Variants in GPM6B observed in about 807,000 individuals in gnomAD.
GPM6B encodes glycoprotein M6B, also known as neuronal membrane glycoprotein M6-b.
A neutral mutation model predicts 27.2 loss-of-function variants in GPM6B; 4 were observed. That is an observed-to-expected ratio of 0.15 (90% CI 0.07 to 0.34). The LOEUF (loss-of-function observed/expected upper bound fraction) is 0.34. GPM6B is among the 10% of genes least tolerant of loss of function. GPM6B has a pLI of 1.00. For synonymous variants in GPM6B, 124 were observed against 103.1 expected, an observed-to-expected ratio of 1.20 and a Z score of -1.23; for missense variants, 183 against 261.9, an observed-to-expected ratio of 0.70 and a Z score of 2.08.
At chrX:13,888,611 G>A (rs1386126444) in intron 1 of GPM6B, among the ~76,000 whole-genome samples, 1 of 111,931 alleles carries the variant, frequency 8.9e-6, no homozygotes, top group Non-Finnish European at 1.9e-5. Flanking sequence ...TTCTGCATGA[G>A]ACAAGACTAT....
chrX:13,816,609 C>T (rs1379503897), intron 1 of GPM6B, among the ~76,000 whole-genome samples: 1 of 111,221 alleles, frequency 9.0e-6, no homozygotes, highest in Non-Finnish European at 1.9e-5. Context: ...AAACTATAGA[C>T]ATCCCTCTAT....
intron 1 of GPM6B, among the ~76,000 whole-genome samples, chrX:13,861,111 C>T (rs12833306): frequency 1.1e-4 from 11 of 103,366 alleles, no homozygotes; most frequent in African/African-American, 3.3e-4. Context: ...CATATACACA[C>T]ATATATATAC....
chrX:13,931,481 CCTT>C (rs1338631475), intron 1 of GPM6B, among the ~76,000 whole-genome samples: 1 of 107,553 alleles, frequency 9.3e-6, no homozygotes, highest in African/African-American at 3.4e-5. Flanking sequence ...GAGTGAGACT[CCTT>C]CTCAAAAAAA....
At chrX:13,807,847 T>C (rs2049051635) in intron 1 of GPM6B, 78 bp from the exon 2 acceptor site, 4 of 958,542 alleles carry the variant, frequency 4.2e-6, no homozygotes, top group Admixed American at 5.4e-5. Flanking sequence ...ATTTATTCTT[T>C]ACCATAGAAA....
At chrX:13,930,635 C>G (rs1921462248) in intron 1 of GPM6B, among the ~76,000 whole-genome samples, 1 of 109,183 alleles carries the variant, frequency 9.2e-6, no homozygotes, top group Non-Finnish European at 1.9e-5. Context: ...AAGAAACGAA[C>G]AAGGGAACAT....
At position 13,772,781 on chromosome X, in the gene GPM6B, T is replaced by C. The variant is rs1437389139; in HGVS notation, c.*100A>G. 1.3e-6 allele frequency: 1 copy of C among 787,330 alleles called. No individual in the cohort carries two copies. The highest frequency in any genetic ancestry group is 1.8e-6 in the Non-Finnish European group (1 of 540,707). 64.9% of individuals were successfully genotyped at this position (787,330 alleles called of 1,213,427 possible). A position where few individuals can be genotyped will look rare whatever the true frequency, so the allele number is the denominator to read the frequency against. On this transcript the variant is annotated 3_prime_UTR_variant, in exon 8 of 8. Coordinates refer to ENST00000316715, the MANE Select transcript of GPM6B (RefSeq NM_001001995.3). ...AGACAGACAGTGAAGTGTTTGTACA[T>C]CTACATTAGTTTGGTGGGATACACA...
intron 5 of GPM6B, among the ~76,000 whole-genome samples, chrX:13,778,613 T>C (rs757785687): frequency 6.7e-4 from 75 of 112,188 alleles, no homozygotes; most frequent in African/African-American, 2.3e-3. Context: ...TCTTTATACT[T>C]CAGAAGCATG....
intron 1 of GPM6B, among the ~76,000 whole-genome samples, chrX:13,823,645 A>G: frequency 9.1e-6 from 1 of 109,437 alleles, no homozygotes; most frequent in Non-Finnish European, 1.9e-5. Context: ...ACAGCCTCCC[A>G]AATAGCTGGG....
chrX:13,852,213 A>G (rs971710846), intron 1 of GPM6B, among the ~76,000 whole-genome samples: 3 of 111,670 alleles, frequency 2.7e-5, no homozygotes, highest in Non-Finnish European at 5.6e-5. Context: ...ATGTAAAACA[A>G]TGGACATGAC....
At chrX:13,937,630 G>A (rs184337878) in intron 1 of GPM6B, among the ~76,000 whole-genome samples, 1 of 111,721 alleles carries the variant, frequency 9.0e-6, no homozygotes, top group Non-Finnish European at 1.9e-5. Flanking sequence ...GAGTGCTGCG[G>A]AATGAGGCTG....
chrX:13,837,814 T>C (rs1029585898), intron 1 of GPM6B, among the ~76,000 whole-genome samples: 1 of 106,292 alleles, frequency 9.4e-6, no homozygotes, highest in East Asian at 3.0e-4. Flanking sequence ...TGCCTGATTG[T>C]CAATTTTGTT....
intron 1 of GPM6B, among the ~76,000 whole-genome samples, chrX:13,853,590 C>CAAAAA (rs66531403): frequency 0.31 from 12,004 of 38,481 alleles, 1,875 homozygotes; most frequent in Non-Finnish European, 0.37. Flanking sequence ...GACACCACCT[C>CAAAAA]AAAAAAAAAA....
chrX:13,840,771 C>T (rs1436747856), intron 1 of GPM6B, among the ~76,000 whole-genome samples: 1 of 111,874 alleles, frequency 8.9e-6, no homozygotes. Flanking sequence ...GCCATGATTT[C>T]TTTTCTAAGC....
At position 13,781,643 on chromosome X, in the gene GPM6B, G is replaced by A. The variant is rs1602979359; in HGVS notation, c.526-1654C>T. Among the ~76,000 whole-genome samples, 3 of 111,642 alleles carry A rather than the reference G, an allele frequency of 2.7e-5. No individual in the cohort carries two copies. The South Asian group carries it at 1.1e-3, about 43-fold the overall frequency. On this transcript the variant is annotated intron_variant, in intron 4 of 7. Coordinates refer to ENST00000316715, the MANE Select transcript of GPM6B (RefSeq NM_001001995.3). ...AGGCTAATCAGAGACCCAAAAGAATGCAACCAGTTGTCTCTCACCTACTTG... is the reference window on the plus strand; with the variant it reads ...AGGCTAATCAGAGACCCAAAAGAATACAACCAGTTGTCTCTCACCTACTTG...
intron 1 of GPM6B, among the ~76,000 whole-genome samples, chrX:13,847,160 A>G (rs141543776): frequency 1.4e-3 from 155 of 111,965 alleles, no homozygotes; most frequent in African/African-American, 4.7e-3. Context: ...AGGAAAAAAC[A>G]CCATCTTATA....
chrX:13,814,842 T>C (rs988293928), intron 1 of GPM6B, among the ~76,000 whole-genome samples: 4 of 112,310 alleles, frequency 3.6e-5, no homozygotes, highest in African/African-American at 1.3e-4. Flanking sequence ...CCCTGGCTTG[T>C]ATTCTTATTC....
At chrX:13,884,143 G>A (rs768045375) in intron 1 of GPM6B, among the ~76,000 whole-genome samples, 16 of 108,493 alleles carry the variant, frequency 1.5e-4, no homozygotes, top group East Asian at 5.9e-4. Flanking sequence ...CCACCACTGC[G>A]CTCCAGCCTG....
At chrX:13,774,034 C>T (rs1177660384) in intron 7 of GPM6B, 3 of 720,144 alleles carry the variant, frequency 4.2e-6, no homozygotes, top group African/African-American at 3.0e-5. Context: ...ATTTGAGGGT[C>T]ATTTGGTAGT....
intron 1 of GPM6B, among the ~76,000 whole-genome samples, chrX:13,932,487 G>C (rs773374655): frequency 8.0e-5 from 9 of 112,229 alleles, no homozygotes; most frequent in Non-Finnish European, 1.5e-4. Flanking sequence ...TTTGAGAACA[G>C]AGTCTTGTTT....
Sources: allele counts gnomAD v4.1 joint callset (sites outside exome capture counted in the v4.1 genomes callset), GRCh38; gene constraint gnomAD v4.1.1; transcripts MANE v1.5; gene names NCBI Gene and HGNC (gene_info 2026-07-23, HGNC 2026-07-21).